The following OPRM1 variants were observed in gnomAD, a reference collection of about 807,000 sequenced individuals.
The protein encoded by OPRM1 is mu-type opioid receptor.
OPRM1 carries 27 observed loss-of-function variants against 31.8 expected under a neutral mutation model. That is an observed-to-expected ratio of 0.85 (90% CI 0.63 to 1.17). The LOEUF is 1.17. Among genes scored for constraint, OPRM1 ranks in the 50% most tolerant of loss-of-function variants. The pLI is 0.00. For synonymous variants in OPRM1, 196 were observed against 189.9 expected (o/e 1.03, Z -0.26); for missense variants, 536 against 511.1 (o/e 1.05, Z -0.47).
At chr6:154,220,378 C>A (rs1445460843) in intron 3 of OPRM1, among the ~76,000 whole-genome samples, 1 of 152,200 alleles carries the variant, frequency 6.6e-6, no homozygotes, top group Non-Finnish European at 1.5e-5. Context: ...CCATTGTTGA[C>A]CAGGTGCGGT....
exon 1 of OPRM1, chr6:154,010,860 T>C: frequency 7.5e-7 from 1 of 1,340,868 alleles, no homozygotes; most frequent in Non-Finnish European, 9.7e-7. Context: ...CTTGTTCTTG[T>C]GGTTGCTACA....
At chr6:154,111,673 A>T (rs1216927700) in intron 3 of OPRM1, among the ~76,000 whole-genome samples, 2 of 152,202 alleles carry the variant, frequency 1.3e-5, no homozygotes, top group African/African-American at 4.8e-5. Flanking sequence ...AGCTTTTCAA[A>T]CATTTAATTT....
chr6:154,014,567 T>G (rs1306950395), intron 1 of OPRM1, among the ~76,000 whole-genome samples: 2 of 148,736 alleles, frequency 1.3e-5, no homozygotes, highest in Non-Finnish European at 3.0e-5. Flanking sequence ...AAAATTTGCT[T>G]ATGCTGAATT....
intron 1 of OPRM1, among the ~76,000 whole-genome samples, chr6:154,022,022 G>C (rs941549609): frequency 6.6e-6 from 1 of 152,162 alleles, no homozygotes; most frequent in Non-Finnish European, 1.5e-5. Context: ...TGTTGAAAAG[G>C]GTTGGTGAAA....
chr6:154,053,308 C>T (rs1316704627), intron 1 of OPRM1, among the ~76,000 whole-genome samples: 1 of 152,186 alleles, frequency 6.6e-6, no homozygotes, highest in Non-Finnish European at 1.5e-5. Context: ...ATCTGTCTTC[C>T]AAGATACCTA....
At chr6:154,244,315 T>TGG (rs1780857686) in intron 3 of OPRM1, among the ~76,000 whole-genome samples, 1 of 151,348 alleles carries the variant, frequency 6.6e-6, no homozygotes, top group African/African-American at 2.4e-5. Context: ...TGTGTGTGTG[T>TGG]GTGTGTGTGT....
chr6:154,183,667 G>C (rs1021872639), intron 3 of OPRM1, among the ~76,000 whole-genome samples: 6 of 152,274 alleles, frequency 3.9e-5, no homozygotes, highest in African/African-American at 1.4e-4. Flanking sequence ...TTGAGGCCGA[G>C]GCAGGCAGAT....
chr6:154,142,376 T>C (rs1798240654), intron 3 of OPRM1, among the ~76,000 whole-genome samples: 1 of 76,426 alleles, frequency 1.3e-5, no homozygotes, highest in Non-Finnish European at 3.0e-5. Context: ...ACCATGCACA[T>C]TAAGAGGCAA....
intron 1 of OPRM1, among the ~76,000 whole-genome samples, chr6:154,079,068 C>G (rs889427011): frequency 4.6e-5 from 7 of 152,150 alleles, no homozygotes; most frequent in African/African-American, 1.7e-4. Context: ...CAAGAGAAAT[C>G]AACTCAGTGT....
intron 1 of OPRM1, among the ~76,000 whole-genome samples, chr6:154,060,324 G>T (rs1046160315): frequency 1.3e-5 from 2 of 152,142 alleles, no homozygotes; most frequent in Admixed American, 1.3e-4. Flanking sequence ...GTACTCCAGC[G>T]AGCCTAAATA....
At chr6:154,233,854 C>T (rs1204761596) in intron 3 of OPRM1, among the ~76,000 whole-genome samples, 1 of 152,128 alleles carries the variant, frequency 6.6e-6, no homozygotes, top group African/African-American at 2.4e-5. Context: ...CAGAGGTCCT[C>T]GGAGATCACT....
chr6:154,023,921 A>G (rs2128383443), intron 1 of OPRM1, among the ~76,000 whole-genome samples: 1 of 152,124 alleles, frequency 6.6e-6, no homozygotes, highest in East Asian at 1.9e-4. Flanking sequence ...TCTTTTTAAT[A>G]TATTGTTGAA....
chr6:154,146,269 G>A (rs569059308), intron 3 of OPRM1, among the ~76,000 whole-genome samples: 12 of 152,292 alleles, frequency 7.9e-5, no homozygotes, highest in East Asian at 5.8e-4. Context: ...GCGCGGTGGC[G>A]GGCGCCTGTG....
intron 3 of OPRM1, among the ~76,000 whole-genome samples, chr6:154,198,231 A>C (rs1776780274): frequency 6.6e-6 from 1 of 152,186 alleles, no homozygotes; most frequent in South Asian, 2.1e-4. Flanking sequence ...TGCACCATTG[A>C]ACTCAATTCT....
intron 1 of OPRM1, among the ~76,000 whole-genome samples, chr6:154,068,113 T>C (rs550910162): frequency 6.6e-6 from 1 of 152,294 alleles, no homozygotes; most frequent in East Asian, 1.9e-4. Context: ...ATCTATATTA[T>C]CATTTCAACA....
intron 1 of OPRM1, among the ~76,000 whole-genome samples, chr6:154,081,203 G>A (rs971855100): frequency 6.6e-6 from 1 of 152,164 alleles, no homozygotes. Flanking sequence ...ACCATGGATT[G>A]TAAGAAAATA....
downstream of OPRM1, among the ~76,000 whole-genome samples, chr6:154,137,333 T>C (rs1798084706): frequency 6.6e-6 from 1 of 152,188 alleles, no homozygotes; most frequent in South Asian, 2.1e-4. Context: ...TTAAAATGTA[T>C]CTGTTACCTC....
At chr6:154,037,536 A>G (rs193264183), upstream of OPRM1, among the ~76,000 whole-genome samples, 292 of 152,242 alleles carry the variant, frequency 1.9e-3, 3 homozygotes, top group East Asian at 1.5e-3. Context: ...ATAGATGAAC[A>G]GCAAGGCCAC....
intron 3 of OPRM1, among the ~76,000 whole-genome samples, chr6:154,241,091 C>G (rs1200674111): frequency 1.3e-5 from 2 of 151,974 alleles, no homozygotes; most frequent in East Asian, 3.9e-4. Context: ...CAAAACTTAG[C>G]TGGGCGTGGT....
Sources: allele counts gnomAD v4.1 joint callset (sites outside exome capture counted in the v4.1 genomes callset), GRCh38; gene constraint gnomAD v4.1.1; transcripts MANE v1.5; gene names NCBI Gene and HGNC (gene_info 2026-07-23, HGNC 2026-07-21).